PLD4: variants seen among roughly 807,000 people sequenced by gnomAD.
PLD4 encodes 5'-3' exonuclease PLD4.
A neutral mutation model predicts 52.3 loss-of-function variants in PLD4; 54 were observed. That is an observed-to-expected ratio of 1.03 (90% CI 0.83 to 1.30). The LOEUF (loss-of-function observed/expected upper bound fraction) is 1.30, where lower values mean the gene tolerates loss of function less well. PLD4 is among the 50% of genes most tolerant of loss of function. The probability of loss-of-function intolerance (pLI) is 0.00; values close to 1 mark genes in which losing one functional copy is unlikely to be tolerated. For synonymous variants in PLD4, 264 were observed against 286.5 expected, an observed-to-expected ratio of 0.92 and a Z score of 0.79; for missense variants, 731 against 671.1, an observed-to-expected ratio of 1.09 and a Z score of -0.99.
rs758797067 is a variant in PLD4 at position 104,927,156 on chromosome 14, T to C, written c.16T>C (p.Trp6Arg). 1.3e-6 allele frequency: 2 copies of C among 1,558,978 alleles called. No individual in the cohort carries two copies. The highest frequency in any genetic ancestry group is 1.7e-6 in the Non-Finnish European group (2 of 1,151,670). MLKPL[W>R]KAAVAPTWPC... is the part of the protein sequence containing the mutation. ...CCCTGTGCAGATGCTGAAGCCTCTT[T>C]GGAAAGCAGCAGTGGCCCCCACATG... Residue 6 changes from tryptophan to arginine, a missense_variant, in exon 2 of 11, where the codon TGG becomes CGG. By Grantham distance (101) the Trp-to-Arg change is moderately radical. Transcript: ENST00000392593.
chr14:104,927,775 C>G lies in PLD4; in HGVS notation c.193C>G (p.Pro65Ala). ...TCCTCCCACCTGGGGCCAGGTGCAG[C>G]CCAAGGACGTGCCCAGGTCCTGGGA... ...PRPPTWGQVQ[P>A]KDVPRSWEHG... Residue 65 changes from proline (P) to alanine (A), a missense_variant, in exon 3 of 11, where the codon CCC becomes GCC. Coordinates refer to ENST00000392593, the MANE Select transcript of PLD4 (RefSeq NM_138790.5). 6.3e-7 allele frequency: 1 copy of G among 1,599,142 alleles called. No homozygotes were observed. Among genetic ancestry groups the G allele is most frequent in the Non-Finnish European group, 8.5e-7 (1 of 1,177,234 alleles).
intron 1 of PLD4, among the ~76,000 whole-genome samples, chr14:104,925,945 C>T (rs907110893): frequency 2.6e-5 from 4 of 152,152 alleles, no homozygotes; most frequent in South Asian, 2.1e-4. Context: ...GTCTCCAGGG[C>T]AGACTCAGTC....
Position 104,932,087 on chromosome 14 carries a change from C to T in PLD4, c.1134C>T (p.Gly378=). 1.2e-6 allele frequency: 2 copies of T among 1,610,294 alleles called. No homozygotes were observed. Among genetic ancestry groups the T allele is most frequent in the Non-Finnish European group, 1.7e-6 (2 of 1,179,168 alleles). The change falls in exon 9 of 11, where the codon GGC becomes GGT. Residue 378 remains glycine, a synonymous_variant. Transcript: ENST00000392593. The surrounding 1 kb of genome is among the most constrained non-coding windows in gnomAD (Gnocchi z 6.5). ...GKGVRVRLLV[G]CGLNTDPTMF... Reference sequence around the variant, plus strand: ...GCGTGCGCGTGCGCCTGCTGGTCGGCTGCGGACTCAACACGGACCCCACCA... The same window carrying T: ...GCGTGCGCGTGCGCCTGCTGGTCGGTTGCGGACTCAACACGGACCCCACCA...
In PLD4 at chr14:104,933,146, C is replaced by A. The variant is rs544608095; in HGVS notation, c.*182C>A. ...TCTCTGATTTCCGAGTCCAGCCCCC[C>A]CTGAGCCCCACCTCCTCCAGGGAGC... is the stretch of plus-strand genomic sequence containing the variant. On this transcript the variant is annotated 3_prime_UTR_variant, in exon 11 of 11. Coordinates refer to ENST00000392593, the MANE Select transcript of PLD4 (RefSeq NM_138790.5). The A allele has an allele frequency of 6.9e-4, 454 of 661,392 alleles. 1 individual carries two copies. In the African/African-American group the frequency reaches 7.9e-3, roughly 11 times the overall value. The allele number at this position is 661,392 out of a possible 1,614,324, so 41.0% of individuals were successfully genotyped here. A position where few individuals can be genotyped will look rare whatever the true frequency, so the allele number is the denominator to read the frequency against.
downstream of PLD4, chr14:104,937,236 C>G (rs375794230): frequency 3.9e-5 from 6 of 152,388 alleles, no homozygotes; most frequent in East Asian, 9.6e-4. Context: ...GACAGAAGAC[C>G]TCAGCAGCCT....
At chr14:104,925,401 G>A (rs1897421418) in intron 1 of PLD4, among the ~76,000 whole-genome samples, 1 of 152,238 alleles carries the variant, frequency 6.6e-6, no homozygotes, top group Non-Finnish European at 1.5e-5. Flanking sequence ...TGCAGGAGGA[G>A]GTGGTGAGGC....
Position 104,929,971 on chromosome 14 carries a change from C to T in PLD4, c.590-7C>T, listed in dbSNP as rs1309981503. 5 of 1,613,296 alleles carry T rather than the reference C, an allele frequency of 3.1e-6. No homozygotes were observed. Among genetic ancestry groups the T allele is most frequent in the East Asian group, 4.5e-5 (2 of 44,902 alleles). On this transcript the variant is annotated splice_region_variant and splice_polypyrimidine_tract_variant and intron_variant, in intron 5 of 10. Transcript: ENST00000392593. Reference sequence around the variant, plus strand: ...TAGTTCATCCCATTGCCTGAACTCTCCACCAGGTGCCCATGTACGACAGGT... The same window carrying T: ...TAGTTCATCCCATTGCCTGAACTCTTCACCAGGTGCCCATGTACGACAGGT...
rs751698708 is a variant in PLD4 at position 104,932,985 on chromosome 14, G to A, written c.*21G>A. ...GCTGAGGGGGGCCTCTTTTTCTCTC[G>A]GCGACCCCGCCCCGCACGCGCCCTC... On this transcript the variant is annotated 3_prime_UTR_variant, in exon 11 of 11. Transcript: ENST00000392593. This position sits in a 1 kb window ranked among gnomAD's most constrained non-coding sequence, Gnocchi z 6.5. The A allele has an allele frequency of 3.9e-6, 6 of 1,538,164 alleles. No homozygotes were observed. Among genetic ancestry groups the A allele is most frequent in the Non-Finnish European group, 5.2e-6 (6 of 1,144,842 alleles).
At chr14:104,930,995 G>A (rs180863597) in intron 7 of PLD4, 53 bp downstream of exon 7, 1 of 1,585,032 alleles carries the variant, frequency 6.3e-7, no homozygotes, top group East Asian at 2.2e-5. Context: ...CCCCTGGCTG[G>A]CCAGACCCAC....
At chr14:104,929,706 G>A (rs751415184) in intron 5 of PLD4, among the ~76,000 whole-genome samples, 3 of 152,198 alleles carry the variant, frequency 2.0e-5, no homozygotes, top group African/African-American at 4.8e-5. Context: ...TGTGGGTGGA[G>A]GCTCAGGCTG....
intron 1 of PLD4, among the ~76,000 whole-genome samples, chr14:104,926,392 A>G (rs2819468): frequency 0.47 from 71,183 of 151,982 alleles, 17,121 homozygotes; most frequent in East Asian, 0.6. Context: ...AGGAGTGGGG[A>G]TGGGAGCCCA....
chr14:104,931,225 G>A (rs1897633571), intron 7 of PLD4, among the ~76,000 whole-genome samples: 3 of 152,230 alleles, frequency 2.0e-5, no homozygotes, highest in African/African-American at 7.2e-5. Flanking sequence ...GAGGACCTGG[G>A]GCCCTGGGAG....
chr14:104,931,655 C>G, intron 7 of PLD4, 93 bp from the exon 8 acceptor site: 1 of 1,464,590 alleles, frequency 6.8e-7, no homozygotes, highest in Non-Finnish European at 9.0e-7. Context: ...TCCCTCCACA[C>G]CACATGGGGC....
chr14:104,930,657 C>T, intron 6 of PLD4, 85 bp from the exon 7 acceptor site: 1 of 1,456,384 alleles, frequency 6.9e-7, no homozygotes, highest in African/African-American at 1.4e-5. Flanking sequence ...CTGCACCTGC[C>T]CCAACATCCC....
chr14:104,925,889 C>A (rs566971605), intron 1 of PLD4, among the ~76,000 whole-genome samples: 1 of 152,194 alleles, frequency 6.6e-6, no homozygotes, highest in South Asian at 2.1e-4. Flanking sequence ...GTCCCCTGTC[C>A]CCACACTTGG....
chr14:104,925,292 G>A (rs1328979337), intron 1 of PLD4, among the ~76,000 whole-genome samples: 3 of 152,238 alleles, frequency 2.0e-5, no homozygotes, highest in African/African-American at 7.2e-5. Context: ...TGTCTGCAGG[G>A]TCTTACGCTA....
downstream of PLD4, chr14:104,935,737 A>T (rs1897792462): frequency 6.6e-6 from 1 of 152,224 alleles, no homozygotes; most frequent in African/African-American, 2.4e-5. Context: ...CTGTCCTATG[A>T]AGAGGCCCAT....
Position 104,929,439 on chromosome 14 carries a change from C to A in PLD4, c.589+12C>A. 6.5e-7 allele frequency: 1 copy of A among 1,547,546 alleles called. No individual in the cohort carries two copies. Among genetic ancestry groups the A allele is most frequent in the Non-Finnish European group, 8.7e-7 (1 of 1,145,144 alleles). On this transcript the variant is annotated intron_variant, in intron 5 of 10. Coordinates refer to ENST00000392593, the MANE Select transcript of PLD4 (RefSeq NM_138790.5). ...TCTGGCTGCCCGAGGTGGGTACCTG[C>A]ACCATGCTGGGCACCACTGCCCTAG...
At chr14:104,927,016 G>A (rs1897477478) in intron 1 of PLD4, 125 bp from the exon 2 acceptor site, 2 of 802,678 alleles carry the variant, frequency 2.5e-6, no homozygotes, top group East Asian at 6.5e-5. Flanking sequence ...GGCATGAGTG[G>A]GGGGCTTTTG....
Sources: allele counts gnomAD v4.1 joint callset (sites outside exome capture counted in the v4.1 genomes callset), GRCh38; gene constraint gnomAD v4.1.1; non-coding constraint Gnocchi (gnomAD v3.1); transcripts MANE v1.5; gene names NCBI Gene and HGNC (gene_info 2026-07-23, HGNC 2026-07-21).